Variants in INPP4B observed in about 807,000 individuals in gnomAD.
INPP4B encodes the protein inositol polyphosphate 4-phosphatase type II.
INPP4B carries 55 observed loss-of-function variants against 122.5 expected under a neutral mutation model. The ratio of observed to expected loss-of-function variants is 0.45; its 90% CI spans 0.36 to 0.56. INPP4B has a LOEUF of 0.56. Ranked by LOEUF, INPP4B falls within the 20% of genes least tolerant of loss-of-function variation. The pLI is 0.00. For synonymous variants in INPP4B, 403 were observed against 388.7 expected (o/e 1.04, Z -0.43); for missense variants, 1,000 against 1,097.7 (o/e 0.91, Z 1.26).
intron 2 of INPP4B, among the ~76,000 whole-genome samples, chr4:142,710,125 T>C (rs1400719622): frequency 6.6e-6 from 1 of 152,182 alleles, no homozygotes; most frequent in Non-Finnish European, 1.5e-5. Context: ...TGGATCTCCA[T>C]CTCAGAGGTC....
chr4:142,081,502 C>T lies in INPP4B; in HGVS notation c.2642+529G>A, dbSNP rs574613499. On this transcript the variant is annotated intron_variant, in intron 25 of 25. Transcript: ENST00000262992. ...TTTTAAAGTATCAGTGTCATCCCATCTTCATGATGAGTGATGTGAAAATAA... is the reference window on the plus strand; with the variant it reads ...TTTTAAAGTATCAGTGTCATCCCATTTTCATGATGAGTGATGTGAAAATAA... Among the ~76,000 whole-genome samples the T allele has an allele frequency of 5.3e-4, 81 of 152,206 alleles. 1 individual carries two copies. Among genetic ancestry groups the T allele is most frequent in the African/African-American group, 1.9e-3 (78 of 41,528 alleles).
intron 2 of INPP4B, among the ~76,000 whole-genome samples, chr4:142,593,010 G>A (rs910972186): frequency 7.2e-5 from 11 of 151,812 alleles, no homozygotes; most frequent in Admixed American, 2.6e-4. Context: ...AGGCTGAGAC[G>A]GGAGGATCAC....
At chr4:142,361,289 T>G (rs1221409201) in intron 7 of INPP4B, among the ~76,000 whole-genome samples, 3 of 151,996 alleles carry the variant, frequency 2.0e-5, no homozygotes, top group African/African-American at 7.2e-5. Context: ...TTCAAAACCC[T>G]TTATGAAGTG....
intron 7 of INPP4B, among the ~76,000 whole-genome samples, chr4:142,323,600 C>T (rs1771050512): frequency 6.6e-6 from 1 of 151,994 alleles, no homozygotes; most frequent in Non-Finnish European, 1.5e-5. Context: ...CACCCGCCAC[C>T]ACGCCTGGCT....
rs184738834 is a variant in INPP4B at position 142,208,552 on chromosome 4, C to T, written c.968-23G>A. The T allele has an allele frequency of 5.3e-5, 66 of 1,250,068 alleles. No homozygotes were observed. In the African/African-American group the frequency reaches 7.4e-4, roughly 14 times the overall value. The allele number at this position is 1,250,068 out of a possible 1,614,324, so 77.4% of individuals were successfully genotyped here. On this transcript the variant is annotated intron_variant, in intron 13 of 25. Transcript: ENST00000262992. ...ACCCTGATGGAAACCAGAAATTAAA[C>T]ATTATTAGTAAATAATGATAAATTA...
At chr4:142,621,838 A>G (rs1745009368) in intron 2 of INPP4B, among the ~76,000 whole-genome samples, 1 of 151,878 alleles carries the variant, frequency 6.6e-6, no homozygotes, top group Non-Finnish European at 1.5e-5. Context: ...TTTAACATTT[A>G]GTGTTTGCAC....
intron 1 of INPP4B, chr4:142,766,129 T>C (rs917653345): frequency 6.6e-6 from 1 of 152,114 alleles, no homozygotes; most frequent in Non-Finnish European, 1.5e-5. Context: ...TACCTACCCA[T>C]CATGTTCTCA....
intron 2 of INPP4B, among the ~76,000 whole-genome samples, chr4:142,653,016 C>A (rs1387135950): frequency 2.6e-5 from 4 of 152,092 alleles, no homozygotes; most frequent in Admixed American, 6.6e-5. Context: ...GTACTGGTAC[C>A]AAAACAGATT....
At chr4:142,471,830 C>G (rs1304981478) in intron 2 of INPP4B, among the ~76,000 whole-genome samples, 1 of 151,976 alleles carries the variant, frequency 6.6e-6, no homozygotes, top group African/African-American at 2.4e-5. Context: ...TTAGTGGATC[C>G]TAGGCACTTT....
At chr4:142,377,696 TTCTC>T (rs1399564186) in intron 7 of INPP4B, among the ~76,000 whole-genome samples, 2 of 152,120 alleles carry the variant, frequency 1.3e-5, no homozygotes, top group African/African-American at 2.4e-5. Context: ...GTTTTTCAGT[TTCTC>T]TCTTTTCAAA....
chr4:142,537,429 T>TATATATATATATATATAGAGAG (rs1200701380), intron 2 of INPP4B, among the ~76,000 whole-genome samples: 6 of 25,482 alleles, frequency 2.4e-4, no homozygotes, highest in Non-Finnish European at 4.6e-4. Flanking sequence ...TATATATATA[T>TATATATATATATATATAGAGAG]AGAGAGAGAG....
intron 25 of INPP4B, among the ~76,000 whole-genome samples, chr4:142,066,299 T>C (rs1763462882): frequency 6.6e-6 from 1 of 152,154 alleles, no homozygotes; most frequent in Non-Finnish European, 1.5e-5. Context: ...ACACTTTAAA[T>C]GGGTGGGTGT....
At chr4:142,289,262 G>A (rs1047745078) in intron 9 of INPP4B, among the ~76,000 whole-genome samples, 2 of 151,984 alleles carry the variant, frequency 1.3e-5, no homozygotes, top group Non-Finnish European at 2.9e-5. Flanking sequence ...ACTTTTCTAG[G>A]CCTTCCAGGG....
At chr4:142,187,981 G>C (rs1394467535) in intron 15 of INPP4B, among the ~76,000 whole-genome samples, 1 of 151,960 alleles carries the variant, frequency 6.6e-6, no homozygotes. Context: ...TAAGGATGTA[G>C]ATTATATGTG....
intron 17 of INPP4B, among the ~76,000 whole-genome samples, chr4:142,147,257 A>G (rs759133824): frequency 2.0e-4 from 30 of 152,328 alleles, no homozygotes; most frequent in South Asian, 6.2e-4. Flanking sequence ...TCTCAAATGT[A>G]CTTTTTTTGC....
intron 2 of INPP4B, among the ~76,000 whole-genome samples, chr4:142,471,219 T>A (rs1818760599): frequency 6.6e-6 from 1 of 152,182 alleles, no homozygotes; most frequent in East Asian, 1.9e-4. Context: ...TAATTAACGA[T>A]CAAAATAGAT....
At chr4:142,112,830 C>T in intron 21 of INPP4B, 148 bp from the exon 22 acceptor site, 1 of 610,244 alleles carries the variant, frequency 1.6e-6, no homozygotes, top group Non-Finnish European at 2.7e-6. Context: ...ATTCATTCAT[C>T]TCCTTATTAA....
intron 1 of INPP4B, among the ~76,000 whole-genome samples, chr4:142,728,661 T>C (rs1174011342): frequency 6.6e-6 from 1 of 151,836 alleles, no homozygotes; most frequent in Non-Finnish European, 1.5e-5. Flanking sequence ...CAGGCAGAGA[T>C]TGGAGTGATA....
At chr4:142,231,370 G>A (rs546186213) in intron 12 of INPP4B, among the ~76,000 whole-genome samples, 166 of 152,252 alleles carry the variant, frequency 1.1e-3, no homozygotes, top group Non-Finnish European at 2.1e-3. Flanking sequence ...GCACATATAC[G>A]TGATTTCTGC....
Sources: allele counts gnomAD v4.1 joint callset (sites outside exome capture counted in the v4.1 genomes callset), GRCh38; gene constraint gnomAD v4.1.1; transcripts MANE v1.5; gene names NCBI Gene and HGNC (gene_info 2026-07-23, HGNC 2026-07-21).